The following NR2F6 variants were observed in gnomAD, a reference collection of about 807,000 sequenced individuals.
NR2F6 encodes ERBA-related gene-2.
A neutral mutation model predicts 26.5 loss-of-function variants in NR2F6; 16 were observed. That is an observed-to-expected ratio of 0.60 (90% CI 0.41 to 0.92). NR2F6 has a LOEUF of 0.92. Ranked by LOEUF, NR2F6 falls within the 40% of genes least tolerant of loss-of-function variation. The probability of loss-of-function intolerance (pLI) is 0.00; values close to 1 mark genes in which losing one functional copy is unlikely to be tolerated. For synonymous variants in NR2F6, 325 were observed against 305.0 expected, an observed-to-expected ratio of 1.07 and a Z score of -0.68; for missense variants, 536 against 631.7, an observed-to-expected ratio of 0.85 and a Z score of 1.62.
At position 17,240,764 on chromosome 19, in the gene NR2F6, A is replaced by C. The variant is rs1317314233; in HGVS notation, c.280T>G (p.Ser94Ala). The change falls in exon 2 of 4, where the codon TCC becomes GCC. Residue 94 changes from serine to alanine, a missense_variant and splice_region_variant. Ser to Ala is a moderately conservative substitution (Grantham distance 99). Coordinates refer to ENST00000291442, the MANE Select transcript of NR2F6 (RefSeq NM_005234.4). ...IRRNLSYTCR[S>A]NRDCQIDQHH... ...TGGTCGATCTGGCAGTCACGGTTGG[A>C]CCTGGGGGCACACAGAAGCCAGGGC... is the stretch of plus-strand genomic sequence containing the variant. 6.2e-7 allele frequency: 1 copy of C among 1,613,814 alleles called. No individual in the cohort carries two copies.
At position 17,233,953 on chromosome 19, in the gene NR2F6, G is replaced by A. The variant is rs561828528; in HGVS notation, c.941-1327C>T. Among the ~76,000 whole-genome samples the A allele has an allele frequency of 6.7e-4, 102 of 152,138 alleles. 1 individual carries two copies. Among genetic ancestry groups the A allele is most frequent in the African/African-American group, 2.4e-3 (98 of 41,520 alleles). On this transcript the variant is annotated intron_variant, in intron 3 of 3. Transcript: ENST00000291442. Reference sequence around the variant, plus strand: ...GAAGAAATCTGGGAAGGCCAGGCGCGGTGGCTCACGCCTGTAATCCCAGCA... The same window carrying A: ...GAAGAAATCTGGGAAGGCCAGGCGCAGTGGCTCACGCCTGTAATCCCAGCA...
intron 1 of NR2F6, among the ~76,000 whole-genome samples, chr19:17,241,662 G>A (rs1055598196): frequency 2.0e-5 from 3 of 152,236 alleles, no homozygotes; most frequent in Non-Finnish European, 4.4e-5. Context: ...TACCCCTGGG[G>A]TTCCAGCTGG....
At chr19:17,239,655 GAA>G in intron 2 of NR2F6, among the ~76,000 whole-genome samples, 1 of 127,346 alleles carries the variant, frequency 7.9e-6, no homozygotes, top group African/African-American at 2.9e-5. Flanking sequence ...CTCAGTCTCA[GAA>G]AAAAAAAAAA....
chr19:17,237,355 T>G (rs918533812), intron 2 of NR2F6, among the ~76,000 whole-genome samples: 3 of 151,956 alleles, frequency 2.0e-5, no homozygotes, highest in Non-Finnish European at 4.4e-5. Flanking sequence ...TTCTTTTTCT[T>G]TTTTCCCTCC....
In NR2F6 at chr19:17,232,282, G is replaced by T; in HGVS notation, c.*70C>A. 1.9e-6 allele frequency: 3 copies of T among 1,594,280 alleles called. No individual in the cohort carries two copies. The highest frequency in any genetic ancestry group is 2.6e-6 in the Non-Finnish European group (3 of 1,169,726). On this transcript the variant is annotated 3_prime_UTR_variant, in exon 4 of 4. Transcript: ENST00000291442. ...TCCTGGGCCCCGGGAGGCCCCTCGA[G>T]GCCTCAGCATTCCCTGTCCCTTGAG...
In NR2F6 at chr19:17,232,472, G is replaced by A. The variant is rs1206431160; in HGVS notation, c.1095C>T (p.Ala365=). The change falls in exon 4 of 4, where the codon GCC becomes GCT. Residue 365 remains alanine, a synonymous_variant. Coordinates refer to ENST00000291442, the MANE Select transcript of NR2F6 (RefSeq NM_005234.4). ...LRLPALRAVP[A]SLISQLFFMR... is the part of the protein sequence containing the mutation. ...TGAAGAACAGCTGGGAGATGAGGGA[G>A]GCAGGGACCGCGCGCAGGGCGGGGA... 1.1e-5 allele frequency: 18 copies of A among 1,613,578 alleles called. No homozygotes were observed. Among genetic ancestry groups the A allele is most frequent in the Non-Finnish European group, 1.5e-5 (18 of 1,179,954 alleles).
chr19:17,239,118 C>CACGA (rs2073455213), intron 2 of NR2F6, among the ~76,000 whole-genome samples: 1 of 152,088 alleles, frequency 6.6e-6, no homozygotes, highest in African/African-American at 2.4e-5. Context: ...GCGGGCAGAT[C>CACGA]ACGAGATCAG....
At position 17,245,161 on chromosome 19, in the gene NR2F6, C is replaced by T. The variant is rs1171673862; in HGVS notation, c.60G>A (p.Lys20=). ...CGGCCGCGCGCGGGTAGCCGCCCGC[C>T]TTGTCCACGCCGTTCGTGTCGCCGC... ...GPGGDTNGVD[K]AGGYPRAAED... is the part of the protein sequence containing the mutation. Residue 20 remains lysine, a synonymous_variant, in exon 1 of 4, where the codon AAG becomes AAA. Coordinates refer to ENST00000291442, the MANE Select transcript of NR2F6 (RefSeq NM_005234.4). The surrounding 1 kb of genome is among the most constrained non-coding windows in gnomAD (Gnocchi z 5.0). The T allele has an allele frequency of 1.4e-6, 2 of 1,431,828 alleles. No individual in the cohort carries two copies. The highest frequency in any genetic ancestry group is 3.0e-5 in the African/African-American group (2 of 66,030). 88.7% of individuals were successfully genotyped at this position (1,431,828 alleles called of 1,614,324 possible). A position where few individuals can be genotyped will look rare whatever the true frequency, so the allele number is the denominator to read the frequency against.
chr19:17,232,702 A>G, intron 3 of NR2F6, 76 bp from the exon 4 acceptor site: 4 of 1,465,494 alleles, frequency 2.7e-6, no homozygotes, highest in Non-Finnish European at 3.6e-6. Flanking sequence ...ACTAGGGGAC[A>G]CCACTCGCCA....
At chr19:17,240,543 G>A in intron 2 of NR2F6, 128 bp downstream of exon 2, 1 of 1,001,002 alleles carries the variant, frequency 1.0e-6, no homozygotes, top group South Asian at 1.3e-5. Flanking sequence ...CCCCCACCCT[G>A]TGAGGCACCC....
chr19:17,235,862 C>G lies in NR2F6; in HGVS notation c.577G>C (p.Ala193Pro). 6.8e-7 allele frequency: 1 copy of G among 1,466,700 alleles called. No individual in the cohort carries two copies. Among genetic ancestry groups the G allele is most frequent in the East Asian group, 2.9e-5 (1 of 33,902 alleles). The allele number at this position is 1,466,700 out of a possible 1,614,324, so 90.9% of individuals were successfully genotyped here. A position where few individuals can be genotyped will look rare whatever the true frequency, so the allele number is the denominator to read the frequency against. ...AGRFGAGGGA[A>P]GAVLGIDNVC... Reference sequence around the variant, plus strand: ...TTGTCGATGCCCAGCACCGCGCCCGCCGCGCCGCCCCCTGCGCCGAAGCGT... The same window carrying G: ...TTGTCGATGCCCAGCACCGCGCCCGGCGCGCCGCCCCCTGCGCCGAAGCGT... Residue 193 changes from alanine (A) to proline (P), a missense_variant, in exon 3 of 4, where the codon GCG becomes CCG. Transcript: ENST00000291442. The surrounding 1 kb of genome is among the most constrained non-coding windows in gnomAD (Gnocchi z 5.0).
rs2073432133 is a variant in NR2F6 at position 17,235,666 on chromosome 19, G to A, written c.773C>T (p.Pro258Leu). ...GTGGAGGCCGGCGGCGGCCAGTAGC[G>A]GCGCCGTGTGCAGGGGCAGCGCCGC... ...AQAALPLHTA[P>L]LLAAAGLHAA... The change falls in exon 3 of 4, where the codon CCG becomes CTG. Residue 258 changes from proline to leucine, a missense_variant. By Grantham distance (98) the Pro-to-Leu change is moderately conservative. Coordinates refer to ENST00000291442, the MANE Select transcript of NR2F6 (RefSeq NM_005234.4). This position sits in a 1 kb window ranked among gnomAD's most constrained non-coding sequence, Gnocchi z 5.0. 1.3e-6 allele frequency: 2 copies of A among 1,517,660 alleles called. No homozygotes were observed. The highest frequency in any genetic ancestry group is 1.4e-5 in the African/African-American group (1 of 70,114). 94.0% of individuals were successfully genotyped at this position (1,517,660 alleles called of 1,614,324 possible).
At chr19:17,241,654 C>T (rs539614773) in intron 1 of NR2F6, among the ~76,000 whole-genome samples, 2 of 152,366 alleles carry the variant, frequency 1.3e-5, no homozygotes, top group South Asian at 2.1e-4. Flanking sequence ...GGAGCAACTA[C>T]CCCTGGGGTT....
At chr19:17,243,557 A>C (rs2073480217) in intron 1 of NR2F6, among the ~76,000 whole-genome samples, 2 of 151,884 alleles carry the variant, frequency 1.3e-5, no homozygotes, top group Non-Finnish European at 2.9e-5. Flanking sequence ...CCCTCCCTAA[A>C]GATATGACCA....
intron 3 of NR2F6, among the ~76,000 whole-genome samples, chr19:17,232,872 G>A (rs2073415663): frequency 6.6e-6 from 1 of 152,228 alleles, no homozygotes; most frequent in Admixed American, 6.5e-5. Context: ...CTGGGGCTGG[G>A]CACAGTAGCT....
intron 1 of NR2F6, among the ~76,000 whole-genome samples, chr19:17,241,236 A>G (rs1331015461): frequency 6.6e-6 from 1 of 152,206 alleles, no homozygotes; most frequent in African/African-American, 2.4e-5. Context: ...TGAATTAACT[A>G]GGGGTCAGGC....
At chr19:17,236,411 T>A (rs973175437) in intron 2 of NR2F6, among the ~76,000 whole-genome samples, 5 of 151,776 alleles carry the variant, frequency 3.3e-5, no homozygotes, top group Non-Finnish European at 7.4e-5. Flanking sequence ...TTTCCCAGAA[T>A]GCCCAACCCC....
Position 17,235,978 on chromosome 19 carries a change from A to G in NR2F6, c.461T>C (p.Val154Ala). ...GSPPGSALAA[V>A]ASGGDLFPGQ... The stretch of plus-strand genomic sequence containing the variant: ...CGGGAAGAGGTCTCCGCCGCTCGCC[A>G]CTGCCGCCAGCGCCGAGCCCGGGGG... Residue 154 changes from valine to alanine, a missense_variant, in exon 3 of 4, where the codon GTG (valine) becomes GCG (alanine). Val to Ala is a moderately conservative substitution (Grantham distance 64, BLOSUM62 0). Transcript: ENST00000291442. The surrounding 1 kb of genome is among the most constrained non-coding windows in gnomAD (Gnocchi z 5.0). 2 of 1,466,678 alleles carry G rather than the reference A, an allele frequency of 1.4e-6. No individual in the cohort carries two copies. Among genetic ancestry groups the G allele is most frequent in the Middle Eastern group, 2.4e-4 (1 of 4,212 alleles). The allele number at this position is 1,466,678 out of a possible 1,614,324, so 90.9% of individuals were successfully genotyped here.
chr19:17,242,558 G>A (rs910210228), intron 1 of NR2F6, among the ~76,000 whole-genome samples: 5 of 152,064 alleles, frequency 3.3e-5, no homozygotes, highest in Admixed American at 1.3e-4. Flanking sequence ...CCACTCCCCC[G>A]TACCCCCCCT....
Sources: gnomAD v4.1 joint callset for allele counts (sites outside exome capture counted in the v4.1 genomes callset) on GRCh38, gnomAD v4.1.1 for gene constraint, Gnocchi (gnomAD v3.1) non-coding constraint, MANE v1.5 for transcripts, NCBI Gene and HGNC (gene_info 2026-07-23, HGNC 2026-07-21) for gene names.